RIF1: variants seen among roughly 807,000 people sequenced by gnomAD.
RIF1 encodes the protein replication timing regulatory factor 1, also known as telomere-associated protein RIF1.
RIF1 carries 45 observed loss-of-function variants against 247.1 expected under a neutral mutation model. The observed-to-expected ratio is 0.18, with a 90% CI of 0.14 to 0.23. The LOEUF (loss-of-function observed/expected upper bound fraction) is 0.23. Among genes scored for constraint, RIF1 ranks in the 10% least tolerant of loss-of-function variants. The probability of loss-of-function intolerance (pLI) is 1.00; values close to 1 mark genes in which losing one functional copy is unlikely to be tolerated. For missense variants in RIF1, 2,967 were observed against 2,862.5 expected, an observed-to-expected ratio of 1.04 and a Z score of -0.83; for synonymous variants, 1,087 against 978.8, an observed-to-expected ratio of 1.11 and a Z score of -2.06.
At chr2:151,466,167 G>C in intron 30 of RIF1, 47 bp downstream of exon 30, 1 of 1,253,382 alleles carries the variant, frequency 8.0e-7, no homozygotes, top group Non-Finnish European at 1.1e-6. Context: ...ATTTGGTTGG[G>C]ATATTTTGGC....
chr2:151,422,164 G>T (rs750952544), intron 7 of RIF1, among the ~76,000 whole-genome samples: 3 of 152,004 alleles, frequency 2.0e-5, no homozygotes, highest in South Asian at 4.2e-4. Flanking sequence ...TATCAAGCTT[G>T]CAACAAAGCA....
At chr2:151,483,976 CT>C (rs1403768779), downstream of RIF1, among the ~76,000 whole-genome samples, 2 of 152,178 alleles carry the variant, frequency 1.3e-5, no homozygotes, top group Non-Finnish European at 2.9e-5. Flanking sequence ...GGGACCTGTG[CT>C]TTAAATCATC....
At chr2:151,491,711 G>T in intron 9 of RIF1, 1 of 1,597,952 alleles carries the variant, frequency 6.3e-7, no homozygotes, top group South Asian at 1.1e-5. Flanking sequence ...TTCGGGACTG[G>T]ATGTTGTCTT....
intron 8 of RIF1, among the ~76,000 whole-genome samples, chr2:151,426,414 T>TC (rs1450897290): frequency 1.3e-5 from 2 of 151,236 alleles, no homozygotes; most frequent in Non-Finnish European, 2.9e-5. Context: ...GACCTTGTAA[T>TC]CCTCCCGCCT....
the RIF1 span, chr2:151,527,001 C>T: frequency 8.8e-6 from 14 of 1,599,222 alleles, no homozygotes; most frequent in Non-Finnish European, 1.1e-5. Flanking sequence ...TTGAGGAACT[C>T]CCGGTCCAGC....
rs566651804 is a variant in RIF1, at chr2:151,489,839, CAT to C, written c.*416-5389_*416-5388del. The C allele has an allele frequency of 2.5e-4, 130 of 527,162 alleles. 2 individuals are homozygous for C. The highest frequency in any genetic ancestry group is 1.9e-3 in the African/African-American group (95 of 50,850). 32.7% of individuals were successfully genotyped at this position (527,162 alleles called of 1,614,324 possible). ...GTTTTCTGATATCATTAATATGAAA[CAT>C]GTAATAAAAGAGCATTATATAAAAT... On this transcript the variant is annotated intron_variant and NMD_transcript_variant, in intron 9 of 13. Coordinates refer to the RIF1 transcript ENST00000454583.
At chr2:151,509,556 G>A (rs1270358272), downstream of RIF1, among the ~76,000 whole-genome samples, 1 of 152,154 alleles carries the variant, frequency 6.6e-6, no homozygotes, top group African/African-American at 2.4e-5. Context: ...TTGAGGGTTG[G>A]ACTGCTATTT....
At chr2:151,410,236 T>G in intron 1 of RIF1, 178 bp from the exon 2 acceptor site, 1 of 631,670 alleles carries the variant, frequency 1.6e-6, no homozygotes, top group South Asian at 1.8e-5. Flanking sequence ...GTGTCTGGTG[T>G]CGGGCGCCGG....
chr2:151,449,804 T>C (rs1381516935), intron 20 of RIF1, among the ~76,000 whole-genome samples: 2 of 152,158 alleles, frequency 1.3e-5, no homozygotes, highest in African/African-American at 2.4e-5. Flanking sequence ...TGTAAGACTT[T>C]GATTACTGCC....
chr2:151,506,075 G>A, intron 12 of RIF1: 1 of 1,105,986 alleles, frequency 9.0e-7, no homozygotes, highest in South Asian at 1.2e-5. Context: ...AGCTGTTTCT[G>A]GTGACAGAGG....
intron 30 of RIF1, among the ~76,000 whole-genome samples, chr2:151,467,387 G>T (rs1300876723): frequency 2.6e-5 from 4 of 151,930 alleles, no homozygotes; most frequent in Admixed American, 2.6e-4. Context: ...CTGTCTGTAA[G>T]ACAGAGTAGT....
At chr2:151,413,122 G>T (rs1369045993) in intron 3 of RIF1, among the ~76,000 whole-genome samples, 3 of 151,518 alleles carry the variant, frequency 2.0e-5, no homozygotes, top group African/African-American at 7.3e-5. Context: ...CACCTCCTGG[G>T]TTCAAGCCGT....
the RIF1 span, among the ~76,000 whole-genome samples, chr2:151,527,740 G>A: frequency 6.6e-6 from 1 of 152,184 alleles, no homozygotes; most frequent in East Asian, 1.9e-4. Flanking sequence ...TACAATTTAT[G>A]CAGCTAGTCA....
intron 34 of RIF1, among the ~76,000 whole-genome samples, chr2:151,472,159 T>C (rs1363559168): frequency 6.6e-6 from 1 of 152,134 alleles, no homozygotes; most frequent in East Asian, 1.9e-4. Context: ...ACTCATGATT[T>C]GGCTCTCTGT....
In RIF1 at chr2:151,465,331, T is replaced by A. The variant is rs1185353765; in HGVS notation, c.5811T>A (p.Ile1937=). ...GACAAGAGAGAACCAAAACTGGTAT[T>A]TCTGAAGAAGCAGCAATAGAAGAAA... ...FHGQERTKTG[I]SEEAAIEENK... Residue 1937 remains isoleucine, a synonymous_variant, in exon 30 of 36, where the codon ATT becomes ATA. Coordinates refer to ENST00000444746, the MANE Select transcript of RIF1 (RefSeq NM_018151.5). 1.2e-6 allele frequency: 2 copies of A among 1,613,778 alleles called. No individual in the cohort carries two copies. Among genetic ancestry groups the A allele is most frequent in the African/African-American group, 2.7e-5 (2 of 74,896 alleles).
At chr2:151,420,416 G>A in intron 7 of RIF1, 37 bp downstream of exon 7, 1 of 1,592,136 alleles carries the variant, frequency 6.3e-7, no homozygotes, top group African/African-American at 1.3e-5. Flanking sequence ...TCTGGATACT[G>A]CATCGGAAGG....
exon 11 of RIF1, chr2:151,499,508 C>CAAGT: frequency 1.5e-6 from 1 of 645,358 alleles, no homozygotes; most frequent in South Asian, 1.7e-5. Flanking sequence ...ACAGATTCAA[C>CAAGT]AAGTCAACCT....
chr2:151,454,887 G>T lies in RIF1; in HGVS notation c.2345-8G>T. ...TGAGTTTTTAATTAATTCAGTTTTT[G>T]TTTTTAGCACCACAGAGACCTTCAG... On this transcript the variant is annotated splice_polypyrimidine_tract_variant and splice_region_variant and intron_variant, in intron 21 of 35. Transcript: ENST00000444746. 5 of 1,544,178 alleles carry T rather than the reference G, an allele frequency of 3.2e-6. No homozygotes were observed. Among genetic ancestry groups the T allele is most frequent in the Admixed American group, 2.2e-5 (1 of 45,252 alleles).
At chr2:151,488,590 G>A (rs1019344820) in intron 9 of RIF1, among the ~76,000 whole-genome samples, 2 of 152,002 alleles carry the variant, frequency 1.3e-5, no homozygotes, top group Admixed American at 6.5e-5. Context: ...AGACTGCAGC[G>A]AGCTGTGATC....
Sources: gnomAD v4.1 joint callset for allele counts (sites outside exome capture counted in the v4.1 genomes callset) on GRCh38, gnomAD v4.1.1 for gene constraint, MANE v1.5 for transcripts, NCBI Gene and HGNC (gene_info 2026-07-23, HGNC 2026-07-21) for gene names.